Variants in FAM24B observed in about 807,000 individuals in gnomAD.
FAM24B encodes the protein family with sequence similarity 24 member B.
A neutral mutation model predicts 2.3 loss-of-function variants in FAM24B; 3 were observed. That is an observed-to-expected ratio of 1.29 (90% CI 0.59 to 3.32). FAM24B has a LOEUF of 3.32. FAM24B is among the 30% of genes most tolerant of loss of function. FAM24B has a pLI of 0.03. For missense variants in FAM24B, 98 were observed against 117.2 expected, an observed-to-expected ratio of 0.84 and a Z score of 0.76; for synonymous variants, 36 against 46.3, an observed-to-expected ratio of 0.78 and a Z score of 0.90.
chr10:122,858,976 C>T (rs1847685276), intron 1 of FAM24B, among the ~76,000 whole-genome samples: 1 of 152,214 alleles, frequency 6.6e-6, no homozygotes, highest in Non-Finnish European at 1.5e-5. Context: ...TTGCAGACTT[C>T]AGGTTTCCAT....
intron 2 of FAM24B, among the ~76,000 whole-genome samples, chr10:122,854,482 G>C (rs754386548): frequency 1.2e-4 from 18 of 152,176 alleles, no homozygotes; most frequent in Non-Finnish European, 1.8e-4. Context: ...GAAATGATGT[G>C]TTGTTCCCCA....
At chr10:122,850,096 G>A (rs1369890788) in intron 3 of FAM24B, among the ~76,000 whole-genome samples, 1 of 152,162 alleles carries the variant, frequency 6.6e-6, no homozygotes, top group Non-Finnish European at 1.5e-5. Flanking sequence ...CCAGGACAGA[G>A]GGAGTCTTGG....
chr10:122,859,684 C>A (rs1195890545), intron 1 of FAM24B, among the ~76,000 whole-genome samples: 1 of 152,162 alleles, frequency 6.6e-6, no homozygotes, highest in East Asian at 1.9e-4. Context: ...GTACAGGAGG[C>A]TCCCTGGGGA....
intron 1 of FAM24B, among the ~76,000 whole-genome samples, chr10:122,874,171 T>C (rs1038850297): frequency 1.3e-5 from 2 of 152,184 alleles, no homozygotes; most frequent in Non-Finnish European, 2.9e-5. Context: ...TTCTTACTGA[T>C]TTTCTGCATG....
intron 1 of FAM24B, among the ~76,000 whole-genome samples, chr10:122,872,941 C>T (rs1041959279): frequency 9.9e-5 from 15 of 151,764 alleles, no homozygotes; most frequent in African/African-American, 3.6e-4. Flanking sequence ...TATAACAATA[C>T]AAAAATAAAA....
intron 1 of FAM24B, among the ~76,000 whole-genome samples, chr10:122,873,517 G>A (rs1217853371): frequency 6.6e-6 from 1 of 152,236 alleles, no homozygotes; most frequent in African/African-American, 2.4e-5. Context: ...TGTACAAGGA[G>A]ATTAATGTTT....
At chr10:122,878,877 T>A (rs531519956) in intron 1 of FAM24B, among the ~76,000 whole-genome samples, 1 of 151,922 alleles carries the variant, frequency 6.6e-6, no homozygotes, top group East Asian at 1.9e-4. Context: ...ATAGTATTGA[T>A]CTTGCTCATG....
intron 2 of FAM24B, among the ~76,000 whole-genome samples, chr10:122,854,180 T>C (rs540002796): frequency 1.3e-5 from 2 of 152,318 alleles, no homozygotes; most frequent in South Asian, 4.1e-4. Flanking sequence ...ATTTCATTTA[T>C]TAAAAAGAAT....
intron 1 of FAM24B, among the ~76,000 whole-genome samples, chr10:122,866,148 C>T (rs993543775): frequency 6.6e-5 from 10 of 152,050 alleles, no homozygotes; most frequent in Non-Finnish European, 4.4e-5. Flanking sequence ...GTCACCTGCC[C>T]AGCTCAGCCT....
At position 122,849,170 on chromosome 10, in the gene FAM24B, T is replaced by A; in HGVS notation, c.*77A>T. ...ATTATATAATCTCACATAAAAACAC[T>A]AGAACTTGATTTGAATAACAAAACA... On this transcript the variant is annotated 3_prime_UTR_variant, in exon 4 of 4. Transcript: ENST00000368898. The A allele has an allele frequency of 1.8e-6, 2 of 1,117,002 alleles. No individual in the cohort carries two copies. Among genetic ancestry groups the A allele is most frequent in the South Asian group, 2.1e-5 (1 of 46,718 alleles). 69.2% of individuals were successfully genotyped at this position (1,117,002 alleles called of 1,614,324 possible). A position where few individuals can be genotyped will look rare whatever the true frequency, so the allele number is the denominator to read the frequency against.
intron 1 of FAM24B, among the ~76,000 whole-genome samples, chr10:122,868,550 A>T (rs1485812960): frequency 2.6e-5 from 4 of 152,162 alleles, no homozygotes; most frequent in Non-Finnish European, 5.9e-5. Context: ...CGGGTTACCC[A>T]CAAAGGGAAG....
intron 3 of FAM24B, 69 bp from the exon 4 acceptor site, chr10:122,849,508 G>GT: frequency 7.0e-7 from 1 of 1,427,094 alleles, no homozygotes; most frequent in East Asian, 2.4e-5. Context: ...TAGAACTGTT[G>GT]GGGGGTATCT....
intron 2 of FAM24B, among the ~76,000 whole-genome samples, chr10:122,854,666 T>C (rs190224762): frequency 1.3e-5 from 2 of 152,300 alleles, no homozygotes; most frequent in South Asian, 2.1e-4. Flanking sequence ...CTTAAGAGTA[T>C]TGAGAGGGAT....
rs142923367 is a variant in FAM24B, at chr10:122,849,267, C to T, written c.265G>A (p.Asp89Asn). ...CTAACTCAGAGGCCCTCATTTATGT[C>T]GCAACAGCAAGGTGGCAGGGAATCA... ...SFDSLPPCCC[D>N]INEGL Residue 89 changes from aspartate (D) to asparagine (N), a missense_variant, in exon 4 of 4, where the codon GAC (aspartate) becomes AAC (asparagine). Asp to Asn is a conservative substitution (Grantham distance 23). Transcript: ENST00000368898. The T allele has an allele frequency of 7.4e-5, 117 of 1,571,782 alleles. 1 individual carries two copies. Among genetic ancestry groups the T allele is most frequent in the South Asian group, 2.6e-4 (22 of 84,908 alleles).
chr10:122,878,733 G>A (rs993603898), intron 1 of FAM24B, among the ~76,000 whole-genome samples: 3 of 151,540 alleles, frequency 2.0e-5, no homozygotes, highest in African/African-American at 7.3e-5. Flanking sequence ...GAGAAAGACA[G>A]GGAAGTTTTT....
chr10:122,858,584 G>C (rs1354062994), intron 1 of FAM24B, among the ~76,000 whole-genome samples: 1 of 151,970 alleles, frequency 6.6e-6, no homozygotes, highest in Non-Finnish European at 1.5e-5. Flanking sequence ...CTGTGCCCCT[G>C]CGCATCCCTC....
At chr10:122,868,002 G>A (rs1185542857) in intron 1 of FAM24B, among the ~76,000 whole-genome samples, 1 of 152,160 alleles carries the variant, frequency 6.6e-6, no homozygotes, top group African/African-American at 2.4e-5. Flanking sequence ...CGAGCTAAAG[G>A]AGGAAGTTCA....
intron 1 of FAM24B, among the ~76,000 whole-genome samples, chr10:122,868,179 A>G (rs917835303): frequency 1.3e-5 from 2 of 152,232 alleles, no homozygotes; most frequent in Admixed American, 6.5e-5. Context: ...ATCAACTGGA[A>G]GAAAGGGTAT....
At chr10:122,856,971 G>A (rs1847650808) in intron 1 of FAM24B, among the ~76,000 whole-genome samples, 1 of 152,146 alleles carries the variant, frequency 6.6e-6, no homozygotes, top group East Asian at 1.9e-4. Flanking sequence ...CATTTCATTG[G>A]ATGGAGACAA....
Sources: allele counts gnomAD v4.1 joint callset (sites outside exome capture counted in the v4.1 genomes callset), GRCh38; gene constraint gnomAD v4.1.1; transcripts MANE v1.5; gene names NCBI Gene and HGNC (gene_info 2026-07-23, HGNC 2026-07-21).